Variants in ACACA observed in about 807,000 individuals in gnomAD.
ACACA encodes the protein acetyl-CoA carboxylase 1.
ACACA carries 103 observed loss-of-function variants against 296.1 expected under a neutral mutation model. That is an observed-to-expected ratio of 0.35 (90% CI 0.30 to 0.41). The LOEUF (loss-of-function observed/expected upper bound fraction) is 0.41. Among genes scored for constraint, ACACA ranks in the 10% least tolerant of loss-of-function variants. ACACA has a pLI of 1.00. For synonymous variants in ACACA, 953 were observed against 1,038.6 expected, an observed-to-expected ratio of 0.92 and a Z score of 1.58; for missense variants, 1,554 against 2,989.7, an observed-to-expected ratio of 0.52 and a Z score of 11.20.
intron 3 of ACACA, among the ~76,000 whole-genome samples, chr17:37,296,106 T>C (rs2083314102): frequency 6.6e-6 from 1 of 152,144 alleles, no homozygotes; most frequent in African/African-American, 2.4e-5. Flanking sequence ...ATAAAGATGA[T>C]GAAGTTACAA....
At chr17:37,114,531 T>TAC (rs2074143360) in intron 50 of ACACA, among the ~76,000 whole-genome samples, 1 of 122,840 alleles carries the variant, frequency 8.1e-6, no homozygotes, top group African/African-American at 3.0e-5. Context: ...GCCCTGCCTT[T>TAC]AAAAAAAAAA....
rs554885550 is a variant in ACACA, at chr17:37,261,358, T to C, written c.1330-1828A>G. Among the ~76,000 whole-genome samples, 4 of 152,334 alleles carry C rather than the reference T, an allele frequency of 2.6e-5. No homozygotes were observed. In the South Asian group the frequency reaches 8.3e-4, roughly 32 times the overall value. On this transcript the variant is annotated intron_variant, in intron 11 of 55. Coordinates refer to ENST00000616317, the MANE Select transcript of ACACA (RefSeq NM_198834.3). ...AAGCCAGTAAATAATAGAAGAAAAGTTTCTATATCTAGAAGAAATCTATGA... is the reference window on the plus strand; with the variant it reads ...AAGCCAGTAAATAATAGAAGAAAAGCTTCTATATCTAGAAGAAATCTATGA...
chr17:37,110,803 G>A (rs548155656), intron 52 of ACACA, among the ~76,000 whole-genome samples: 4 of 152,196 alleles, frequency 2.6e-5, no homozygotes, highest in South Asian at 4.2e-4. Context: ...ACTGACAAAA[G>A]AACCTCGAGC....
chr17:37,113,045 G>C lies in ACACA; in HGVS notation c.6452+43C>G, dbSNP rs1207903886. 1 of 1,611,246 alleles carries C rather than the reference G, an allele frequency of 6.2e-7. No homozygotes were observed. The highest frequency in any genetic ancestry group is 8.5e-7 in the Non-Finnish European group (1 of 1,178,308). On this transcript the variant is annotated intron_variant, in intron 51 of 55. Transcript: ENST00000616317. This position sits in a 1 kb window ranked among gnomAD's most constrained non-coding sequence, Gnocchi z 4.0. ...CTCCAGGAGGAAACCAACAGCTACA[G>C]GGTCCCTAAAGGCAGTGAATGGAAA...
At chr17:37,376,229 T>C in intron 1 of ACACA, 1 of 1,205,416 alleles carries the variant, frequency 8.3e-7, no homozygotes. Flanking sequence ...TTCCACCAGA[T>C]AGAGATGTAG....
At chr17:37,400,814 T>C (rs1346306777) in intron 1 of ACACA, among the ~76,000 whole-genome samples, 2 of 152,170 alleles carry the variant, frequency 1.3e-5, no homozygotes, top group African/African-American at 2.4e-5. Context: ...ACATGTAGGC[T>C]GTTTCCATGT....
intron 3 of ACACA, among the ~76,000 whole-genome samples, chr17:37,303,776 T>C (rs1237889495): frequency 1.3e-5 from 2 of 152,224 alleles, no homozygotes; most frequent in African/African-American, 2.4e-5. Flanking sequence ...GAGAATCGCA[T>C]GAACCCAGGA....
intron 34 of ACACA, 98 bp downstream of exon 34, chr17:37,200,329 T>C (rs1171378844): frequency 7.2e-7 from 1 of 1,388,736 alleles, no homozygotes; most frequent in African/African-American, 1.4e-5. Flanking sequence ...TTTCTCTGCA[T>C]AAATCCTATT....
intron 41 of ACACA, among the ~76,000 whole-genome samples, chr17:37,171,921 T>A (rs1448910085): frequency 6.6e-6 from 1 of 152,138 alleles, no homozygotes; most frequent in Non-Finnish European, 1.5e-5. Context: ...CAGGATTAAT[T>A]GGTTGGTATG....
chr17:37,274,750 G>T, intron 8 of ACACA: 1 of 795,722 alleles, frequency 1.3e-6, no homozygotes, highest in Non-Finnish European at 1.5e-6. Flanking sequence ...CATGCTCTCT[G>T]AACGTCCCTG....
chr17:37,180,110 T>C (rs1422690979), intron 40 of ACACA, among the ~76,000 whole-genome samples: 3 of 152,234 alleles, frequency 2.0e-5, no homozygotes, highest in Non-Finnish European at 1.5e-5. Flanking sequence ...AAGTGACTCA[T>C]ACATACCTAT....
At chr17:37,242,108 G>A in intron 22 of ACACA, 55 bp from the exon 23 acceptor site, 1 of 1,350,050 alleles carries the variant, frequency 7.4e-7, no homozygotes, top group Non-Finnish European at 1.1e-6. Flanking sequence ...ATGCCCCAAA[G>A]CATCAGCCTC....
intron 1 of ACACA, chr17:37,386,045 G>C (rs754098431): frequency 6.2e-7 from 1 of 1,604,658 alleles, no homozygotes; most frequent in Non-Finnish European, 8.5e-7. Flanking sequence ...AAAGTCCTGG[G>C]GGCTTCATCA....
intron 18 of ACACA, 106 bp from the exon 19 acceptor site, chr17:37,247,082 T>G: frequency 8.3e-7 from 1 of 1,211,908 alleles, no homozygotes; most frequent in East Asian, 2.3e-5. Context: ...AAAACTTTAT[T>G]ATACACACAC....
chr17:37,169,774 T>A (rs2076815624), intron 41 of ACACA, among the ~76,000 whole-genome samples: 1 of 152,200 alleles, frequency 6.6e-6, no homozygotes, highest in Non-Finnish European at 1.5e-5. Flanking sequence ...ATTAAATCCC[T>A]CTTTTTGGGG....
intron 25 of ACACA, among the ~76,000 whole-genome samples, chr17:37,230,205 A>C (rs1202095978): frequency 1.3e-5 from 2 of 151,696 alleles, no homozygotes; most frequent in Non-Finnish European, 2.9e-5. Context: ...ACCAACATGG[A>C]GAAACCCCGT....
At chr17:37,174,337 AAAG>A (rs1032043546) in intron 41 of ACACA, among the ~76,000 whole-genome samples, 17 of 151,942 alleles carry the variant, frequency 1.1e-4, no homozygotes, top group South Asian at 4.2e-4. Flanking sequence ...CCAACTGAAA[AAAG>A]AAGGACACCA....
intron 28 of ACACA, among the ~76,000 whole-genome samples, chr17:37,223,164 A>G (rs2079374812): frequency 1.3e-5 from 2 of 152,240 alleles, no homozygotes. Context: ...ACACAATGGT[A>G]AGATGACACA....
At chr17:37,316,352 T>A (rs1237520003) in intron 3 of ACACA, among the ~76,000 whole-genome samples, 1 of 149,918 alleles carries the variant, frequency 6.7e-6, no homozygotes, top group Non-Finnish European at 1.5e-5. Context: ...TTTGCTAGCC[T>A]TTTTTCTGTT....
Sources: allele counts gnomAD v4.1 joint callset (sites outside exome capture counted in the v4.1 genomes callset), GRCh38; gene constraint gnomAD v4.1.1; non-coding constraint Gnocchi (gnomAD v3.1); transcripts MANE v1.5; gene names NCBI Gene and HGNC (gene_info 2026-07-23, HGNC 2026-07-21).